SERPINB7: variants seen among roughly 807,000 people sequenced by gnomAD.
The protein encoded by SERPINB7 is serpin B7.
SERPINB7 carries 31 observed loss-of-function variants against 37.4 expected under a neutral mutation model. That is an observed-to-expected ratio of 0.83 (90% CI 0.62 to 1.12). The LOEUF (loss-of-function observed/expected upper bound fraction) is 1.12, where lower values mean the gene tolerates loss of function less well. SERPINB7 is among the 50% of genes most tolerant of loss of function. The pLI, the probability that SERPINB7 is intolerant of heterozygous loss-of-function variation, is 0.00. For synonymous variants in SERPINB7, 163 were observed against 166.1 expected (o/e 0.98, Z 0.14); for missense variants, 521 against 455.3 (o/e 1.14, Z -1.31).
intron 7 of SERPINB7, among the ~76,000 whole-genome samples, chr18:63,803,287 C>G (rs2049569493): frequency 6.6e-6 from 1 of 151,558 alleles, no homozygotes; most frequent in Non-Finnish European, 1.5e-5. Flanking sequence ...TACAGATTAA[C>G]CACAAAACTG....
intron 1 of SERPINB7, among the ~76,000 whole-genome samples, chr18:63,762,822 A>AT (rs1453478972): frequency 2.0e-5 from 3 of 152,188 alleles, no homozygotes; most frequent in Admixed American, 6.5e-5. Flanking sequence ...TTCTGGATTC[A>AT]TTTTTATTTC....
intron 2 of SERPINB7, among the ~76,000 whole-genome samples, chr18:63,791,451 T>C (rs1275005275): frequency 6.6e-6 from 1 of 152,020 alleles, no homozygotes. Context: ...TTACAAAAAA[T>C]AACAGGAAAA....
intron 7 of SERPINB7, among the ~76,000 whole-genome samples, chr18:63,802,287 C>A (rs2049558153): frequency 6.6e-6 from 1 of 152,174 alleles, no homozygotes; most frequent in East Asian, 1.9e-4. Flanking sequence ...CAGACACCAC[C>A]ACTGAATCTC....
intron 1 of SERPINB7, among the ~76,000 whole-genome samples, chr18:63,756,613 G>A (rs79008602): frequency 0.017 from 2,595 of 152,284 alleles, 27 homozygotes; most frequent in Middle Eastern, 0.027. Context: ...TCAGGGTGGA[G>A]GATAGGTAGA....
At chr18:63,776,288 C>A (rs2049247145) in intron 1 of SERPINB7, among the ~76,000 whole-genome samples, 1 of 151,924 alleles carries the variant, frequency 6.6e-6, no homozygotes, top group South Asian at 2.1e-4. Flanking sequence ...AACCTCCCTC[C>A]CCATTCTTTC....
intron 1 of SERPINB7, among the ~76,000 whole-genome samples, chr18:63,758,549 C>T (rs1254440121): frequency 2.6e-5 from 4 of 152,122 alleles, no homozygotes; most frequent in African/African-American, 9.7e-5. Context: ...GTCTCAAATC[C>T]TCTGTATCTG....
At chr18:63,802,684 T>C (rs1003786238) in intron 7 of SERPINB7, among the ~76,000 whole-genome samples, 1 of 152,142 alleles carries the variant, frequency 6.6e-6, no homozygotes, top group African/African-American at 2.4e-5. Context: ...ACTTGGAAAA[T>C]AATGAATATT....
chr18:63,780,696 G>C (rs536600723), intron 1 of SERPINB7, among the ~76,000 whole-genome samples: 2 of 152,248 alleles, frequency 1.3e-5, no homozygotes, highest in African/African-American at 4.8e-5. Context: ...AAAGATATGT[G>C]GGGTGTGAAT....
Position 63,798,617 on chromosome 18 carries a change from C to G in SERPINB7, c.468C>G (p.Asn156Lys). ...VENETHGKIKNVIGEGGISSS... is the reference protein window; with the variant it reads ...VENETHGKIKKVIGEGGISSS... Reference sequence around the variant, plus strand: ...TTTTTTCAAAAGGCAAAATCAAGAACGTGATTGGTGAAGGTGGCATAAGCT... The same window carrying G: ...TTTTTTCAAAAGGCAAAATCAAGAAGGTGATTGGTGAAGGTGGCATAAGCT... Residue 156 changes from asparagine (N) to lysine (K), a missense_variant, in exon 6 of 8, where the codon AAC becomes AAG. Coordinates refer to ENST00000398019, the MANE Select transcript of SERPINB7 (RefSeq NM_003784.4). The G allele has an allele frequency of 1.3e-6, 2 of 1,553,920 alleles. No individual in the cohort carries two copies. The highest frequency in any genetic ancestry group is 1.3e-5 in the South Asian group (1 of 78,572).
rs1475811106 is a variant in SERPINB7 at position 63,796,149 on chromosome 18, T to C, written c.337-117T>C. ...TATCCCTATATTTACATACTCATTTTTGAGGCAGAGTTGAACCTTTGAATA... is the reference window on the plus strand; with the variant it reads ...TATCCCTATATTTACATACTCATTTCTGAGGCAGAGTTGAACCTTTGAATA... On this transcript the variant is annotated intron_variant, in intron 4 of 7. Coordinates refer to ENST00000398019, the MANE Select transcript of SERPINB7 (RefSeq NM_003784.4). 4.8e-5 allele frequency: 28 copies of C among 582,720 alleles called. 1 individual carries two copies. The highest frequency in any genetic ancestry group is 2.8e-4 in the South Asian group (12 of 43,596). The allele number at this position is 582,720 out of a possible 1,614,324, so 36.1% of individuals were successfully genotyped here. A position where few individuals can be genotyped will look rare whatever the true frequency, so the allele number is the denominator to read the frequency against.
At chr18:63,754,479 G>A (rs552346262) in intron 1 of SERPINB7, among the ~76,000 whole-genome samples, 125 of 152,140 alleles carry the variant, frequency 8.2e-4, no homozygotes, top group Non-Finnish European at 1.7e-3. Flanking sequence ...AATCATAAGA[G>A]GCATTTAGTA....
intron 5 of SERPINB7, 131 bp downstream of exon 5, chr18:63,796,514 T>C (rs1315363154): frequency 2.6e-5 from 14 of 547,128 alleles, no homozygotes; most frequent in Non-Finnish European, 3.0e-5. Context: ...TTGCTGCTAC[T>C]TAAAATTGCT....
intron 1 of SERPINB7, among the ~76,000 whole-genome samples, chr18:63,757,130 G>A (rs2049127071): frequency 1.3e-5 from 2 of 151,296 alleles, no homozygotes; most frequent in African/African-American, 2.4e-5. Flanking sequence ...TGAGACCTTT[G>A]TAAGATGGAT....
chr18:63,756,027 T>A (rs1234087263), intron 1 of SERPINB7, among the ~76,000 whole-genome samples: 2 of 151,978 alleles, frequency 1.3e-5, no homozygotes, highest in African/African-American at 4.8e-5. Context: ...TTCATTGATA[T>A]ATAAATATAT....
intron 1 of SERPINB7, among the ~76,000 whole-genome samples, chr18:63,780,480 C>T (rs915040951): frequency 2.0e-5 from 3 of 152,164 alleles, no homozygotes; most frequent in Admixed American, 1.3e-4. Context: ...CTGTATAAAG[C>T]TGCCCTTTTC....
upstream of SERPINB7, among the ~76,000 whole-genome samples, chr18:63,771,429 G>A (rs750904584): frequency 3.3e-5 from 5 of 151,988 alleles, no homozygotes; most frequent in Non-Finnish European, 5.9e-5. Context: ...TATAATGATT[G>A]ATAGAATTGT....
intron 1 of SERPINB7, among the ~76,000 whole-genome samples, chr18:63,766,609 T>C (rs930892603): frequency 1.3e-5 from 2 of 152,124 alleles, no homozygotes; most frequent in African/African-American, 4.8e-5. Context: ...TTTGCAGGAA[T>C]GTTCTTCTGA....
At chr18:63,778,981 GA>G (rs1239028046) in intron 1 of SERPINB7, among the ~76,000 whole-genome samples, 12 of 152,246 alleles carry the variant, frequency 7.9e-5, no homozygotes, top group African/African-American at 2.4e-4. Flanking sequence ...TTAGCAAAAT[GA>G]AAAATCAGAC....
intron 1 of SERPINB7, among the ~76,000 whole-genome samples, chr18:63,758,602 G>A (rs377520860): frequency 6.6e-6 from 1 of 152,066 alleles, no homozygotes; most frequent in African/African-American, 2.4e-5. Context: ...GATATTTCAG[G>A]GATATTTTTT....
Sources: gnomAD v4.1 joint callset for allele counts (sites outside exome capture counted in the v4.1 genomes callset) on GRCh38, gnomAD v4.1.1 for gene constraint, MANE v1.5 for transcripts, NCBI Gene and HGNC (gene_info 2026-07-23, HGNC 2026-07-21) for gene names.